The following EPHA5 variants were observed in gnomAD, a reference collection of about 807,000 sequenced individuals.
EPHA5 encodes the protein ephrin type-A receptor 5.
A neutral mutation model predicts 105.0 loss-of-function variants in EPHA5; 60 were observed. The ratio of observed to expected loss-of-function variants is 0.57; its 90% confidence interval spans 0.46 to 0.71. EPHA5 has a LOEUF of 0.71. Among genes scored for constraint, EPHA5 ranks in the 30% least tolerant of loss-of-function variants. The pLI, the probability that EPHA5 is intolerant of heterozygous loss-of-function variation, is 0.00. For missense variants in EPHA5, 1,218 were observed against 1,274.7 expected (o/e 0.96, Z 0.68); for synonymous variants, 513 against 449.1 (o/e 1.14, Z -1.80).
At chr4:65,502,996 A>C (rs1732646685) in intron 3 of EPHA5, among the ~76,000 whole-genome samples, 1 of 151,884 alleles carries the variant, frequency 6.6e-6, no homozygotes, top group Admixed American at 6.6e-5. Flanking sequence ...TATTATCCTA[A>C]GTGAACTGAT....
intron 3 of EPHA5, among the ~76,000 whole-genome samples, chr4:65,564,908 C>T (rs13118781): frequency 0.043 from 6,538 of 151,752 alleles, 198 homozygotes; most frequent in South Asian, 0.092. Flanking sequence ...TTTCAAAATA[C>T]TTTCACTGTT....
chr4:65,556,302 A>G (rs1738433810), intron 3 of EPHA5, among the ~76,000 whole-genome samples: 1 of 152,182 alleles, frequency 6.6e-6, no homozygotes, highest in South Asian at 2.1e-4. Flanking sequence ...CATGAGTGTC[A>G]GGGCTTAGCC....
chr4:65,409,299 C>G (rs1175329795), intron 7 of EPHA5, among the ~76,000 whole-genome samples: 1 of 128,348 alleles, frequency 7.8e-6, no homozygotes, highest in Non-Finnish European at 1.6e-5. Context: ...ATGTAACAAA[C>G]CTGCACATTG....
At position 65,569,907 on chromosome 4, in the gene EPHA5, G is replaced by A. The variant is rs964478947; in HGVS notation, c.910+31734C>T. On this transcript the variant is annotated intron_variant, in intron 3 of 16. Transcript: ENST00000613740. ...GAGTTCAATCAAATATTTGACAAAA[G>A]TTTGAAATCTCCCTGCTATAGATGA... is the stretch of plus-strand genomic sequence containing the variant. Among the ~76,000 whole-genome samples the A allele has an allele frequency of 4.0e-5, 6 of 151,744 alleles. 1 individual carries two copies. In the East Asian group the frequency reaches 5.8e-4, roughly 15 times the overall value.
At chr4:65,636,249 T>G (rs1212744639) in intron 2 of EPHA5, among the ~76,000 whole-genome samples, 1 of 152,190 alleles carries the variant, frequency 6.6e-6, no homozygotes, top group Non-Finnish European at 1.5e-5. Flanking sequence ...TCAACATTTA[T>G]GGTCTAACAG....
intron 5 of EPHA5, among the ~76,000 whole-genome samples, chr4:65,420,874 T>G (rs978886687): frequency 1.3e-5 from 2 of 152,064 alleles, no homozygotes; most frequent in Admixed American, 6.6e-5. Flanking sequence ...ATTTTATGTA[T>G]CTTCTACATT....
intron 3 of EPHA5, among the ~76,000 whole-genome samples, chr4:65,595,793 G>C (rs1477376320): frequency 1.3e-5 from 2 of 151,980 alleles, no homozygotes; most frequent in Admixed American, 1.3e-4. Flanking sequence ...TGTTAGCCAG[G>C]ATGGTCTCGA....
intron 2 of EPHA5, among the ~76,000 whole-genome samples, chr4:65,614,139 T>C (rs193214246): frequency 6.6e-6 from 1 of 152,068 alleles, no homozygotes; most frequent in East Asian, 1.9e-4. Flanking sequence ...TTGTTCCTTG[T>C]CTCACTATAT....
chr4:65,538,993 C>G (rs1207411100), intron 3 of EPHA5, among the ~76,000 whole-genome samples: 2 of 151,664 alleles, frequency 1.3e-5, no homozygotes, highest in East Asian at 3.9e-4. Flanking sequence ...GGACTGCTAA[C>G]AGAGAGAAGT....
intron 7 of EPHA5, among the ~76,000 whole-genome samples, chr4:65,410,479 T>G (rs566650186): frequency 6.6e-6 from 1 of 152,304 alleles, no homozygotes; most frequent in East Asian, 1.9e-4. Flanking sequence ...CTTTACGGTA[T>G]TGGGATTGTT....
chr4:65,463,777 AC>A (rs780162529), intron 5 of EPHA5, among the ~76,000 whole-genome samples: 40 of 152,152 alleles, frequency 2.6e-4, no homozygotes, highest in Non-Finnish European at 5.0e-4. Flanking sequence ...TCTTGCCATG[AC>A]TGGGAATACA....
rs144158122 is a variant in EPHA5 at position 65,498,572 on chromosome 4, G to A, written c.911-3029C>T. Among the ~76,000 whole-genome samples, 6 of 151,890 alleles carry A rather than the reference G, an allele frequency of 4.0e-5. No individual in the cohort carries two copies. In the East Asian group the frequency reaches 9.7e-4, roughly 24 times the overall value. Reference sequence around the variant, plus strand: ...TGGTTCCAGTAGTGATCAATAAAACGAGGGGAATTCAAGAAATGAGAATGG... The same window carrying A: ...TGGTTCCAGTAGTGATCAATAAAACAAGGGGAATTCAAGAAATGAGAATGG... On this transcript the variant is annotated intron_variant, in intron 3 of 16. Transcript: ENST00000613740.
intron 3 of EPHA5, among the ~76,000 whole-genome samples, chr4:65,549,841 TG>T (rs1219063564): frequency 2.0e-5 from 3 of 152,084 alleles, no homozygotes; most frequent in African/African-American, 7.2e-5. Context: ...TAAAATTTCT[TG>T]TAGACAAAGT....
At chr4:65,657,365 T>A (rs1410623699) in intron 1 of EPHA5, among the ~76,000 whole-genome samples, 2 of 152,162 alleles carry the variant, frequency 1.3e-5, no homozygotes, top group Non-Finnish European at 2.9e-5. Flanking sequence ...GTGATATGAA[T>A]TCTGAGAATT....
At chr4:65,478,845 A>G (rs1229075688) in intron 5 of EPHA5, among the ~76,000 whole-genome samples, 2 of 152,200 alleles carry the variant, frequency 1.3e-5, no homozygotes, top group African/African-American at 4.8e-5. Context: ...GAACTTCAAG[A>G]TTAATATAAG....
chr4:65,469,044 T>G (rs778912865), intron 5 of EPHA5, among the ~76,000 whole-genome samples: 4 of 152,054 alleles, frequency 2.6e-5, no homozygotes, highest in Non-Finnish European at 5.9e-5. Context: ...AGTCTAGGAC[T>G]TTTAGCTGAT....
At chr4:65,557,071 A>G (rs573336302) in intron 3 of EPHA5, among the ~76,000 whole-genome samples, 26 of 151,770 alleles carry the variant, frequency 1.7e-4, no homozygotes, top group African/African-American at 5.8e-4. Flanking sequence ...AAGGCTTAGA[A>G]ATAGATTTTA....
chr4:65,515,723 C>T (rs548107326), intron 3 of EPHA5, among the ~76,000 whole-genome samples: 1 of 152,140 alleles, frequency 6.6e-6, no homozygotes, highest in South Asian at 2.1e-4. Flanking sequence ...TTTAACTGGG[C>T]TAAGGGATGC....
chr4:65,378,112 A>G (rs1259663585), intron 8 of EPHA5, among the ~76,000 whole-genome samples: 2 of 151,942 alleles, frequency 1.3e-5, no homozygotes, highest in Non-Finnish European at 2.9e-5. Context: ...TAAAATTCCA[A>G]TGGATCTTTT....
Sources: gnomAD v4.1 joint callset for allele counts (sites outside exome capture counted in the v4.1 genomes callset) on GRCh38, gnomAD v4.1.1 for gene constraint, MANE v1.5 for transcripts, NCBI Gene and HGNC (gene_info 2026-07-23, HGNC 2026-07-21) for gene names.